NFRKB: variants seen among roughly 807,000 people sequenced by gnomAD.
NFRKB encodes nuclear factor related to kappaB binding protein.
In NFRKB, 62 loss-of-function variants were observed where a neutral mutation model predicts 135.7. That is an observed-to-expected ratio of 0.46 (90% CI 0.37 to 0.56). NFRKB has a LOEUF of 0.56. NFRKB is among the 20% of genes least tolerant of loss of function. The pLI is 0.00. For synonymous variants in NFRKB, 678 were observed against 635.6 expected (o/e 1.07, Z -1.00); for missense variants, 1,545 against 1,662.0 (o/e 0.93, Z 1.22).
intron 6 of NFRKB, 164 bp from the exon 7 acceptor site, chr11:129,885,010 G>C: frequency 1.0e-6 from 1 of 994,686 alleles, no homozygotes; most frequent in Non-Finnish European, 1.5e-6. Flanking sequence ...AGCACACTTA[G>C]GTCATCTAAC....
In NFRKB at chr11:129,864,076, G is replaced by A. The variant is rs1442707938; in HGVS notation, c.*649C>T. On this transcript the variant is annotated 3_prime_UTR_variant, in exon 27 of 27. Transcript: ENST00000682444. ...AGTGCCAAGCGAATCCCATTTCAGG[G>A]GACCCACTCTACCTCGCTGCCTACG... 1 of 151,844 alleles carries A rather than the reference G, an allele frequency of 6.6e-6. No individual in the cohort carries two copies. Among genetic ancestry groups the A allele is most frequent in the Non-Finnish European group, 1.5e-5 (1 of 68,066 alleles). 9.4% of individuals were successfully genotyped at this position (151,844 alleles called of 1,614,324 possible). A position where few individuals can be genotyped will look rare whatever the true frequency, so the allele number is the denominator to read the frequency against.
Position 129,885,516 on chromosome 11 carries a change from G to A in NFRKB, c.559C>T (p.Arg187Trp), listed in dbSNP as rs149638414. The A allele has an allele frequency of 4.3e-6, 7 of 1,613,974 alleles. No homozygotes were observed. The highest frequency in any genetic ancestry group is 2.7e-5 in the African/African-American group (2 of 74,914). Residue 187 changes from arginine (R) to tryptophan (W), a missense_variant, in exon 6 of 27, where the codon CGG becomes TGG. Physicochemically the swap from Arg to Trp is moderately radical, Grantham distance 101. Around this residue, in one of 3 missense-constraint regions of NFRKB, gnomAD observed 678 missense variants for 646.7 expected, o/e 1.05. Transcript: ENST00000682444. ...PSRTPEEREW[R>W]TQQRYLKVLR... ...ACCTTCAAGTAGCGCTGCTGGGTCCGCCACTCCCGCTCCTCAGGTGTGCGG... is the reference window on the plus strand; with the variant it reads ...ACCTTCAAGTAGCGCTGCTGGGTCCACCACTCCCGCTCCTCAGGTGTGCGG...
intron 10 of NFRKB, 128 bp from the exon 11 acceptor site, chr11:129,882,322 C>A (rs1470675910): frequency 1.5e-6 from 2 of 1,340,666 alleles, no homozygotes; most frequent in Non-Finnish European, 2.1e-6. Context: ...ATTTTCCCAG[C>A]AGTATCCCTG....
intron 23 of NFRKB, chr11:129,872,506 G>A (rs568281415): frequency 1.0e-4 from 18 of 172,850 alleles, no homozygotes; most frequent in African/African-American, 1.2e-4. Context: ...TTTGAAGTTC[G>A]ATGATTATTC....
At chr11:129,885,372 A>G in intron 6 of NFRKB, 63 bp downstream of exon 6, 1 of 1,534,496 alleles carries the variant, frequency 6.5e-7, no homozygotes, top group East Asian at 2.3e-5. Flanking sequence ...ACTGGCTCCA[A>G]CCGGACAAGT....
chr11:129,873,655 A>T, intron 22 of NFRKB, 90 bp downstream of exon 22: 1 of 1,520,412 alleles, frequency 6.6e-7, no homozygotes, highest in East Asian at 2.3e-5. Flanking sequence ...ATGGCTCCCC[A>T]GTCCTTACCC....
At chr11:129,883,341 T>C in intron 8 of NFRKB, 135 bp from the exon 9 acceptor site, 1 of 656,256 alleles carries the variant, frequency 1.5e-6, no homozygotes, top group East Asian at 2.6e-5. Flanking sequence ...TATAGAGAGA[T>C]AAAACTATTC....
intron 3 of NFRKB, among the ~76,000 whole-genome samples, chr11:129,892,042 C>CT (rs148860141): frequency 0.18 from 26,915 of 149,786 alleles, 2,572 homozygotes; most frequent in South Asian, 0.27. Flanking sequence ...TAATTTCTTC[C>CT]TTTTTTTTTT....
At chr11:129,878,389 A>C (rs1252821620) in intron 14 of NFRKB, 34 bp from the exon 15 acceptor site, 1 of 1,613,892 alleles carries the variant, frequency 6.2e-7, no homozygotes, top group Admixed American at 1.7e-5. Context: ...AGGTAAATGG[A>C]CTAAAGAATT....
At chr11:129,893,377 ACC>A (rs1330198598) in intron 2 of NFRKB, 1 of 140,830 alleles carries the variant, frequency 7.1e-6, no homozygotes, top group Non-Finnish European at 1.3e-5. Context: ...ACATGGCAAA[ACC>A]CCTTCTCTAC....
At chr11:129,885,299 C>A in intron 6 of NFRKB, 136 bp downstream of exon 6, 1 of 973,704 alleles carries the variant, frequency 1.0e-6, no homozygotes, top group East Asian at 2.7e-5. Context: ...TTCTGAGTCC[C>A]GCTATGCACC....
rs776227474 is a variant in NFRKB at position 129,877,394 on chromosome 11, T to C, written c.1512-9A>G. On this transcript the variant is annotated splice_polypyrimidine_tract_variant and intron_variant, in intron 15 of 26. Transcript: ENST00000682444. ...CCACATAGTCAGTTCTTCTGGAATA[T>C]AAAGAATTCTGTATCAACCCTGACA... 8 of 1,614,064 alleles carry C rather than the reference T, an allele frequency of 5.0e-6. No individual in the cohort carries two copies. The highest frequency in any genetic ancestry group is 6.8e-6 in the Non-Finnish European group (8 of 1,179,944).
Position 129,874,255 on chromosome 11 carries a change from A to C in NFRKB, c.2137T>G (p.Ser713Ala). 1 of 1,517,638 alleles carries C rather than the reference A, an allele frequency of 6.6e-7. No homozygotes were observed. Among genetic ancestry groups the C allele is most frequent in the Non-Finnish European group, 8.8e-7 (1 of 1,135,422 alleles). 94.0% of individuals were successfully genotyped at this position (1,517,638 alleles called of 1,614,324 possible). A position where few individuals can be genotyped will look rare whatever the true frequency, so the allele number is the denominator to read the frequency against. The change falls in exon 21 of 27, where the codon TCC becomes GCC. Residue 713 changes from serine (S) to alanine (A), a missense_variant. Ser to Ala is a moderately conservative substitution (Grantham distance 99, BLOSUM62 1). Transcript: ENST00000682444. This position sits in a 1 kb window ranked among gnomAD's most constrained non-coding sequence, Gnocchi z 4.5. ...GTGACTGGGGTGGGTGGCATACTGGAGTCACTGAGGCTCATCTGGCTCTGC... is the reference window on the plus strand; with the variant it reads ...GTGACTGGGGTGGGTGGCATACTGGCGTCACTGAGGCTCATCTGGCTCTGC... ...SEQSQMSLSD[S>A]SMPPTPVTPV...
chr11:129,879,389 C>T (rs1422202054), intron 13 of NFRKB, among the ~76,000 whole-genome samples: 2 of 152,148 alleles, frequency 1.3e-5, no homozygotes, highest in Non-Finnish European at 2.9e-5. Flanking sequence ...CCCTCCATGG[C>T]TACTGCAGCC....
intron 1 of NFRKB, among the ~76,000 whole-genome samples, 158 bp downstream of exon 1, chr11:129,895,338 C>T (rs534245646): frequency 6.6e-5 from 10 of 152,094 alleles, no homozygotes; most frequent in South Asian, 6.2e-4. Flanking sequence ...CGTGCCTAAC[C>T]CTAACCCCCA....
chr11:129,875,216 C>T (rs934557059), intron 18 of NFRKB, 141 bp downstream of exon 18: 34 of 789,226 alleles, frequency 4.3e-5, no homozygotes, highest in Non-Finnish European at 6.4e-5. Flanking sequence ...TAACAGCAAG[C>T]GTTTTGATCA....
At chr11:129,871,958 T>C (rs1948530482) in intron 23 of NFRKB, among the ~76,000 whole-genome samples, 2 of 152,204 alleles carry the variant, frequency 1.3e-5, no homozygotes. Flanking sequence ...CCAGCCACAA[T>C]GATTTTCCTC....
chr11:129,872,344 T>A (rs763319874), intron 23 of NFRKB, among the ~76,000 whole-genome samples: 1 of 152,204 alleles, frequency 6.6e-6, no homozygotes, highest in Non-Finnish European at 1.5e-5. Context: ...TTTATCGTTA[T>A]GTGGTTCCAT....
intron 25 of NFRKB, 108 bp downstream of exon 25, chr11:129,865,769 A>C: frequency 2.4e-6 from 2 of 847,210 alleles, no homozygotes; most frequent in Non-Finnish European, 3.9e-6. Flanking sequence ...GTGTCAAAGA[A>C]GGGCCCCAGA....
Sources: gnomAD v4.1 joint callset for allele counts (sites outside exome capture counted in the v4.1 genomes callset) on GRCh38, gnomAD v4.1.1 for gene constraint, gnomAD v4.1.1 regional missense constraint, Gnocchi (gnomAD v3.1) non-coding constraint, MANE v1.5 for transcripts, NCBI Gene and HGNC (gene_info 2026-07-23, HGNC 2026-07-21) for gene names.